The following FOXN3 variants were observed in gnomAD, a reference collection of about 807,000 sequenced individuals.
The protein encoded by FOXN3 is forkhead box N3, also known as forkhead box protein N3.
Under a neutral mutation model 38.4 loss-of-function variants are expected in FOXN3, and 7 were observed. The ratio of observed to expected loss-of-function variants is 0.18; its 90% CI spans 0.10 to 0.34. The LOEUF is 0.34. Among genes scored for constraint, FOXN3 ranks in the 10% least tolerant of loss-of-function variants. The pLI is 1.00. For synonymous variants in FOXN3, 230 were observed against 242.2 expected (o/e 0.95, Z 0.47); for missense variants, 456 against 613.4 (o/e 0.74, Z 2.71).
chr14:89,465,589 C>A (rs779498102), intron 1 of FOXN3, among the ~76,000 whole-genome samples: 15 of 152,158 alleles, frequency 9.9e-5, no homozygotes, highest in Admixed American at 5.9e-4. Context: ...CAAGGGGGTC[C>A]CACAAGGTTA....
At chr14:89,458,528 C>A (rs1163710333) in intron 1 of FOXN3, among the ~76,000 whole-genome samples, 1 of 152,196 alleles carries the variant, frequency 6.6e-6, no homozygotes, top group African/African-American at 2.4e-5. Context: ...ATGCAGTTCT[C>A]AGGAAAATGA....
chr14:89,285,188 C>G (rs1886586261), intron 3 of FOXN3, among the ~76,000 whole-genome samples: 7 of 152,164 alleles, frequency 4.6e-5, no homozygotes, highest in Admixed American at 4.6e-4. Flanking sequence ...GGACTGTTTT[C>G]TAAGATCTCA....
intron 1 of FOXN3, among the ~76,000 whole-genome samples, chr14:89,424,915 C>T (rs1891989973): frequency 6.6e-6 from 1 of 152,032 alleles, no homozygotes; most frequent in Non-Finnish European, 1.5e-5. Flanking sequence ...TGAGTTACCC[C>T]ACATGACCAG....
chr14:89,255,901 A>G lies in FOXN3; in HGVS notation c.745+25049T>C, dbSNP rs141844996. On this transcript the variant is annotated intron_variant, in intron 4 of 5. Transcript: ENST00000557258. ...GAGACCCTGCCATTACCCTTCTACA[A>G]CCAGCCTCCAGTGGCTCTCACACTT... is the stretch of plus-strand genomic sequence containing the variant. 2.6e-3 allele frequency among the ~76,000 whole-genome samples: 396 copies of G among 152,232 alleles called. 3 individuals carry two copies. Among genetic ancestry groups the G allele is most frequent in the African/African-American group, 8.7e-3 (362 of 41,544 alleles).
At chr14:89,580,648 C>T (rs1895722906) in intron 1 of FOXN3, among the ~76,000 whole-genome samples, 1 of 152,218 alleles carries the variant, frequency 6.6e-6, no homozygotes, top group Non-Finnish European at 1.5e-5. Context: ...GCAGCTCTCC[C>T]TCAAATATGT....
intron 3 of FOXN3, among the ~76,000 whole-genome samples, chr14:89,321,784 CTTCT>C (rs1262466514): frequency 3.4e-5 from 5 of 148,298 alleles, no homozygotes; most frequent in Non-Finnish European, 7.5e-5. Context: ...TCCTGTCTTT[CTTCT>C]TTCCTTTTTT....
At chr14:89,564,603 A>G (rs1895312702) in intron 1 of FOXN3, among the ~76,000 whole-genome samples, 1 of 151,904 alleles carries the variant, frequency 6.6e-6, no homozygotes. Context: ...GTCTCCAAAA[A>G]CCCTCTATGG....
At chr14:89,294,230 A>G (rs1886967945) in intron 3 of FOXN3, among the ~76,000 whole-genome samples, 1 of 152,092 alleles carries the variant, frequency 6.6e-6, no homozygotes. Flanking sequence ...GCCCTGCCTG[A>G]CACCTCAGCA....
rs916546449 is a variant in FOXN3 at position 89,163,218 on chromosome 14, G to A, written c.852-249C>T. On this transcript the variant is annotated intron_variant, in intron 5 of 5. Coordinates refer to ENST00000557258, the MANE Select transcript of FOXN3 (RefSeq NM_005197.4). The surrounding 1 kb of genome is among the most constrained non-coding windows in gnomAD (Gnocchi z 4.3). ...TTCACTCCATTTGTGTGGCTGAGAC[G>A]TCAAAACAACAATCTTCTGAAGCGA... is the stretch of plus-strand genomic sequence containing the variant. Among the ~76,000 whole-genome samples the A allele has an allele frequency of 3.1e-4, 47 of 152,260 alleles. No homozygotes were observed. The highest frequency in any genetic ancestry group is 1.0e-3 in the African/African-American group (43 of 41,548).
chr14:89,166,301 T>C (rs1043389355), intron 5 of FOXN3, among the ~76,000 whole-genome samples: 3 of 152,160 alleles, frequency 2.0e-5, no homozygotes, highest in African/African-American at 7.2e-5. Context: ...ATGGAAACTT[T>C]CTTCTTAAAG....
intron 4 of FOXN3, among the ~76,000 whole-genome samples, chr14:89,199,937 C>A (rs76906965): frequency 0.022 from 3,288 of 152,164 alleles, 120 homozygotes; most frequent in African/African-American, 0.075. Flanking sequence ...ACAAAAACAA[C>A]AACAAAAACT....
At chr14:89,477,042 T>C (rs1160622045) in intron 1 of FOXN3, among the ~76,000 whole-genome samples, 34 of 152,190 alleles carry the variant, frequency 2.2e-4, no homozygotes, top group Admixed American at 2.2e-3. Context: ...CGTATGTACA[T>C]GGCCAACTTT....
intron 4 of FOXN3, among the ~76,000 whole-genome samples, chr14:89,244,054 C>A (rs1232719804): frequency 1.3e-5 from 2 of 152,176 alleles, no homozygotes; most frequent in African/African-American, 4.8e-5. Flanking sequence ...GACAAACCAA[C>A]CCCCAAACCC....
At chr14:89,190,021 A>G (rs1279244440) in intron 4 of FOXN3, among the ~76,000 whole-genome samples, 1 of 152,248 alleles carries the variant, frequency 6.6e-6, no homozygotes. Flanking sequence ...ATTAGGGTTA[A>G]GTTGACCCCA....
chr14:89,168,833 A>C (rs1420052841), intron 5 of FOXN3, among the ~76,000 whole-genome samples: 1 of 152,228 alleles, frequency 6.6e-6, no homozygotes, highest in African/African-American at 2.4e-5. Flanking sequence ...TTTAGAGCAG[A>C]CACAAAAAAG....
At chr14:89,437,461 T>C (rs1285943809) in intron 1 of FOXN3, among the ~76,000 whole-genome samples, 1 of 152,112 alleles carries the variant, frequency 6.6e-6, no homozygotes, top group Non-Finnish European at 1.5e-5. Context: ...GATGGACAGA[T>C]GATGGTGGTC....
In FOXN3 at chr14:89,156,514, T is replaced by C. The variant is rs1886983207; in HGVS notation, c.*5900A>G. 1.3e-5 allele frequency: 2 copies of C among 152,728 alleles called. No homozygotes were observed. The highest frequency in any genetic ancestry group is 3.4e-3 in the Middle Eastern group (1 of 294). The allele number at this position is 152,728 out of a possible 1,614,324, so 9.5% of individuals were successfully genotyped here. A position where few individuals can be genotyped will look rare whatever the true frequency, so the allele number is the denominator to read the frequency against. On this transcript the variant is annotated 3_prime_UTR_variant, in exon 6 of 6. Transcript: ENST00000557258. ...CATACAGAAAATACAGAAAAAAAATTGGCTTTTGAAAAATTATTACTCTCG... is the reference window on the plus strand; with the variant it reads ...CATACAGAAAATACAGAAAAAAAATCGGCTTTTGAAAAATTATTACTCTCG...
intron 4 of FOXN3, among the ~76,000 whole-genome samples, chr14:89,215,088 T>C (rs1441112706): frequency 6.6e-6 from 1 of 152,184 alleles, no homozygotes; most frequent in East Asian, 1.9e-4. Context: ...GTTTATTACA[T>C]AATTAAACTG....
At chr14:89,477,362 G>C (rs1566669508) in intron 1 of FOXN3, among the ~76,000 whole-genome samples, 2 of 152,078 alleles carry the variant, frequency 1.3e-5, no homozygotes, top group African/African-American at 4.8e-5. Flanking sequence ...TCTTCCTTCA[G>C]AGAATTTCTG....
Sources: allele counts gnomAD v4.1 joint callset (sites outside exome capture counted in the v4.1 genomes callset), GRCh38; gene constraint gnomAD v4.1.1; non-coding constraint Gnocchi (gnomAD v3.1); transcripts MANE v1.5; gene names NCBI Gene and HGNC (gene_info 2026-07-23, HGNC 2026-07-21).